Variants in FAM171A2 observed in about 807,000 individuals in gnomAD.
FAM171A2 encodes protein FAM171A2.
Under a neutral mutation model 34.2 loss-of-function variants are expected in FAM171A2, and 13 were observed. The ratio of observed to expected loss-of-function variants is 0.38; its 90% CI spans 0.25 to 0.60. The LOEUF is 0.60. FAM171A2 is among the 20% of genes least tolerant of loss of function. The pLI, the probability that FAM171A2 is intolerant of heterozygous loss-of-function variation, is 0.62. For missense variants in FAM171A2, 950 were observed against 1,180.7 expected, an observed-to-expected ratio of 0.80 and a Z score of 2.86; for synonymous variants, 475 against 561.2, an observed-to-expected ratio of 0.85 and a Z score of 2.17.
chr17:44,356,133 TCTCTC>T (rs1416641308), intron 5 of FAM171A2, 35 bp downstream of exon 5: 2 of 1,524,492 alleles, frequency 1.3e-6, no homozygotes, highest in Non-Finnish European at 1.8e-6. Flanking sequence ...CCCACTTTCT[TCTCTC>T]AACTCAAGCA....
In FAM171A2 at chr17:44,354,110, G is replaced by T. The variant is rs1382034625; in HGVS notation, c.2104C>A (p.Pro702Thr). The change falls in exon 8 of 8, where the codon CCC becomes ACC. Residue 702 changes from proline (P) to threonine (T), a missense_variant. Around this residue, in one of 3 missense-constraint regions of FAM171A2, gnomAD observed 191 missense variants for 222.8 expected, o/e 0.86. Coordinates refer to ENST00000293443, the MANE Select transcript of FAM171A2 (RefSeq NM_198475.3). This position sits in a 1 kb window ranked among gnomAD's most constrained non-coding sequence, Gnocchi z 5.8. ...GCGCGCTCCCGCTCCTCCCTCGCGG[G>T]CCGGCGGCGCGCGGGCCGCGCCTCG... ...VHEARPARRR[P>T]AREERERAPP... 79 of 1,131,978 alleles carry T rather than the reference G, an allele frequency of 7.0e-5. No homozygotes were observed. Among genetic ancestry groups the T allele is most frequent in the Non-Finnish European group, 8.6e-5 (79 of 923,222 alleles). 70.1% of individuals were successfully genotyped at this position (1,131,978 alleles called of 1,614,324 possible).
In FAM171A2 at chr17:44,354,851, G is replaced by T; in HGVS notation, c.1363C>A (p.Pro455Thr). 7.8e-7 allele frequency: 1 copy of T among 1,281,900 alleles called. No individual in the cohort carries two copies. The highest frequency in any genetic ancestry group is 9.8e-7 in the Non-Finnish European group (1 of 1,017,354). 79.4% of individuals were successfully genotyped at this position (1,281,900 alleles called of 1,614,324 possible). Residue 455 changes from proline (P) to threonine (T), a missense_variant, in exon 8 of 8, where the codon CCC (proline) becomes ACC (threonine). Around this residue, in one of 3 missense-constraint regions of FAM171A2, gnomAD observed 752 missense variants for 924.5 expected, o/e 0.81. Transcript: ENST00000293443. This position sits in a 1 kb window ranked among gnomAD's most constrained non-coding sequence, Gnocchi z 5.8. ...CCCCGCCGGTGCTCCTCTAGGCCGG[G>T]CTCCAGCCCGCCGGGGCCCTCGGCC... ...RSAEGPGGLEPGLEEHRRGPS... is the reference protein window; with the variant it reads ...RSAEGPGGLETGLEEHRRGPS...
At chr17:44,357,177 G>A (rs1006236411) in intron 3 of FAM171A2, among the ~76,000 whole-genome samples, 7 of 151,806 alleles carry the variant, frequency 4.6e-5, no homozygotes, top group Non-Finnish European at 1.0e-4. Flanking sequence ...GAGAAACCCT[G>A]ACTCTCTTAA....
rs916051574 is a variant in FAM171A2, at chr17:44,360,241, T to G, written c.119-109A>C. 4.3e-6 allele frequency: 4 copies of G among 921,600 alleles called. 1 individual carries two copies. In the South Asian group the frequency reaches 6.8e-5, roughly 16 times the overall value. The allele number at this position is 921,600 out of a possible 1,614,324, so 57.1% of individuals were successfully genotyped here. A position where few individuals can be genotyped will look rare whatever the true frequency, so the allele number is the denominator to read the frequency against. On this transcript the variant is annotated intron_variant, in intron 1 of 7. Coordinates refer to ENST00000293443, the MANE Select transcript of FAM171A2 (RefSeq NM_198475.3). The stretch of plus-strand genomic sequence containing the variant: ...CTGTGTTTGAGAGAGTCTTTTGGGC[T>G]GAGGCTAGAGAAGGCATGATTTAAG...
At chr17:44,356,613 G>A in intron 3 of FAM171A2, 25 bp from the exon 4 acceptor site, 1 of 1,522,048 alleles carries the variant, frequency 6.6e-7, no homozygotes, top group Non-Finnish European at 8.8e-7. Flanking sequence ...GGGCTGCAGT[G>A]GCTTGACCAT....
At chr17:44,363,195 C>T (rs866910111) in intron 1 of FAM171A2, among the ~76,000 whole-genome samples, 1 of 152,108 alleles carries the variant, frequency 6.6e-6, no homozygotes, top group African/African-American at 2.4e-5. Context: ...GGCGCCCCCA[C>T]CCCGCCAGGG....
In FAM171A2 at chr17:44,356,544, G is replaced by T. The variant is rs150823411; in HGVS notation, c.484C>A (p.Arg162Ser). The change falls in exon 4 of 8, where the codon CGC becomes AGC. Residue 162 changes from arginine (R) to serine (S), a missense_variant. Arg to Ser is a moderately radical substitution (Grantham distance 110, BLOSUM62 -1). This residue lies in a region of FAM171A2 where 752 missense variants were observed against 924.5 expected (regional missense o/e 0.81). Coordinates refer to ENST00000293443, the MANE Select transcript of FAM171A2 (RefSeq NM_198475.3). ...CTGTAGGTGGAGCTGACAGGCAGGC[G>T]GGCAGCCCGGCGCTGGAACTGCACC... ...PLVQFQRRAA[R>S]LPVSSTYSQL... is the part of the protein sequence containing the mutation. 5.8e-4 allele frequency: 898 copies of T among 1,549,090 alleles called. 5 individuals are homozygous for T. In the African/African-American group the frequency reaches 0.011, roughly 19 times the overall value.
rs140215238 is a variant in FAM171A2, at chr17:44,353,527, AC to A, written c.*205del. On this transcript the variant is annotated 3_prime_UTR_variant, in exon 8 of 8. Coordinates refer to ENST00000293443, the MANE Select transcript of FAM171A2 (RefSeq NM_198475.3). ...CCGGCACCTCCCCGTGGGGGTCTGG[AC>A]CCCCCCTCCTCCCCGGCTTGGAGGC... The A allele has an allele frequency of 3.1e-5, 8 of 256,064 alleles. No homozygotes were observed. Among genetic ancestry groups the A allele is most frequent in the South Asian group, 1.7e-4 (1 of 5,864 alleles). 15.9% of individuals were successfully genotyped at this position (256,064 alleles called of 1,614,324 possible).
chr17:44,354,186 GC>G lies in FAM171A2; in HGVS notation c.2027del (p.Gly676AlafsTer15). 1.5e-6 allele frequency: 2 copies of G among 1,366,230 alleles called. No homozygotes were observed. Among genetic ancestry groups the G allele is most frequent in the Non-Finnish European group, 9.5e-7 (1 of 1,048,714 alleles). 84.6% of individuals were successfully genotyped at this position (1,366,230 alleles called of 1,614,324 possible). On this transcript the variant is annotated frameshift_variant, in exon 8 of 8. Coordinates refer to ENST00000293443, the MANE Select transcript of FAM171A2 (RefSeq NM_198475.3). LOFTEE classifies it low-confidence loss of function (END_TRUNC). This position sits in a 1 kb window ranked among gnomAD's most constrained non-coding sequence, Gnocchi z 5.8. ...TGGCGTCGGTGCTGCGTGCCCCGCC[GC>G]CCGCCTGCAGGTCGATGTAAGAGTG... ...VRHSYIDLQA[G>X]GGARSTDASL...
In FAM171A2 at chr17:44,355,885, C is replaced by T. The variant is rs933102841; in HGVS notation, c.896-44G>A. ...TAGCGTTCAGGTGTAGACACCCTTCCTGCCTTTCAGAAGTCTGCTCTCCCA... is the reference window on the plus strand; with the variant it reads ...TAGCGTTCAGGTGTAGACACCCTTCTTGCCTTTCAGAAGTCTGCTCTCCCA... On this transcript the variant is annotated intron_variant, in intron 6 of 7. Coordinates refer to ENST00000293443, the MANE Select transcript of FAM171A2 (RefSeq NM_198475.3). The surrounding 1 kb of genome is among the most constrained non-coding windows in gnomAD (Gnocchi z 4.1). 19 of 1,549,760 alleles carry T rather than the reference C, an allele frequency of 1.2e-5. No individual in the cohort carries two copies. In the African/African-American group the frequency reaches 2.5e-4, roughly 20 times the overall value.
chr17:44,363,006 C>A (rs2048453971), intron 1 of FAM171A2, among the ~76,000 whole-genome samples: 1 of 152,198 alleles, frequency 6.6e-6, no homozygotes, highest in African/African-American at 2.4e-5. Flanking sequence ...TTATTTGGTG[C>A]ACCCCAAACT....
chr17:44,361,040 G>A (rs2048445880), intron 1 of FAM171A2, among the ~76,000 whole-genome samples: 1 of 152,216 alleles, frequency 6.6e-6, no homozygotes, highest in African/African-American at 2.4e-5. Flanking sequence ...ATCTAGGGGG[G>A]AGCAACCCAG....
At position 44,356,062 on chromosome 17, in the gene FAM171A2, C is replaced by T. The variant is rs750291572; in HGVS notation, c.791G>A (p.Arg264His). The T allele has an allele frequency of 5.8e-6, 9 of 1,542,552 alleles. No individual in the cohort carries two copies. Among genetic ancestry groups the T allele is most frequent in the Admixed American group, 2.0e-5 (1 of 50,368 alleles). Residue 264 changes from arginine (R) to histidine (H), a missense_variant, in exon 6 of 8, where the codon CGC becomes CAC. Around this residue, in one of 3 missense-constraint regions of FAM171A2, gnomAD observed 752 missense variants for 924.5 expected, o/e 0.81. Transcript: ENST00000293443. Reference protein sequence around the residue: ...RFDPKSGLWVRNGTGVIRKEG... With the variant: ...RFDPKSGLWVHNGTGVIRKEG... ...CTTCCGGATTACACCAGTGCCATTG[C>T]GCACCCACAGCCCTGGGAGAGGCAG...
intron 1 of FAM171A2, 56 bp downstream of exon 1, chr17:44,363,541 G>A (rs1354669673): frequency 8.5e-6 from 7 of 823,452 alleles, no homozygotes; most frequent in South Asian, 1.2e-4. Flanking sequence ...TGACGGGCGG[G>A]AGCCTGATCA....
chr17:44,359,600 G>T lies in FAM171A2; in HGVS notation c.418C>A (p.His140Asn). 1 of 1,551,298 alleles carries T rather than the reference G, an allele frequency of 6.4e-7. No individual in the cohort carries two copies. ...TTACCGGGAGAGCCTAGGAGAATGT[G>T]CACCAGGTCCTCATAGAGGATGAGC... is the stretch of plus-strand genomic sequence containing the variant. ...ATLILYEDLV[H>N]ILLGSPGARS... The change falls in exon 3 of 8, where the codon CAC becomes AAC. Residue 140 changes from histidine to asparagine, a missense_variant. By Grantham distance (68) the His-to-Asn change is moderately conservative. This residue lies in a region of FAM171A2 where 752 missense variants were observed against 924.5 expected (regional missense o/e 0.81). Coordinates refer to ENST00000293443, the MANE Select transcript of FAM171A2 (RefSeq NM_198475.3).
rs1384305336 is a variant in FAM171A2, at chr17:44,354,853, T to C, written c.1361A>G (p.Glu454Gly). 22 of 1,281,642 alleles carry C rather than the reference T, an allele frequency of 1.7e-5. No homozygotes were observed. The highest frequency in any genetic ancestry group is 2.2e-5 in the Non-Finnish European group (22 of 1,017,332). The allele number at this position is 1,281,642 out of a possible 1,614,324, so 79.4% of individuals were successfully genotyped here. A position where few individuals can be genotyped will look rare whatever the true frequency, so the allele number is the denominator to read the frequency against. Residue 454 changes from glutamate (E) to glycine (G), a missense_variant, in exon 8 of 8, where the codon GAG becomes GGG. By Grantham distance (98) the Glu-to-Gly change is moderately conservative (BLOSUM62 -2). This residue lies in a region of FAM171A2 where 752 missense variants were observed against 924.5 expected (regional missense o/e 0.81). Coordinates refer to ENST00000293443, the MANE Select transcript of FAM171A2 (RefSeq NM_198475.3). This position sits in a 1 kb window ranked among gnomAD's most constrained non-coding sequence, Gnocchi z 5.8. ...CCGCCGGTGCTCCTCTAGGCCGGGC[T>C]CCAGCCCGCCGGGGCCCTCGGCCGA... ...ARSAEGPGGL[E>G]PGLEEHRRGP...
In FAM171A2 at chr17:44,354,771, G is replaced by C. The variant is rs2048412836; in HGVS notation, c.1443C>G (p.Phe481Leu). The part of the protein sequence containing the change: ...LHEPPSPPPP[F>L]DHYLGHKGAA... ...CCCCCTTGTGGCCCAGGTAGTGGTCGAAGGGCGGCGGCGGCGAGGGCGGCT... is the reference window on the plus strand; with the variant it reads ...CCCCCTTGTGGCCCAGGTAGTGGTCCAAGGGCGGCGGCGGCGAGGGCGGCT... Residue 481 changes from phenylalanine to leucine, a missense_variant, in exon 8 of 8, where the codon TTC (phenylalanine) becomes TTG (leucine). Phe to Leu is a conservative substitution (Grantham distance 22). Around this residue, in one of 3 missense-constraint regions of FAM171A2, gnomAD observed 752 missense variants for 924.5 expected, o/e 0.81. Coordinates refer to ENST00000293443, the MANE Select transcript of FAM171A2 (RefSeq NM_198475.3). This position sits in a 1 kb window ranked among gnomAD's most constrained non-coding sequence, Gnocchi z 5.8. The C allele has an allele frequency of 1.5e-6, 2 of 1,303,166 alleles. No individual in the cohort carries two copies. Among genetic ancestry groups the C allele is most frequent in the South Asian group, 4.2e-5 (2 of 48,094 alleles). 80.7% of individuals were successfully genotyped at this position (1,303,166 alleles called of 1,614,324 possible). A position where few individuals can be genotyped will look rare whatever the true frequency, so the allele number is the denominator to read the frequency against.
At chr17:44,359,266 A>G in intron 3 of FAM171A2, 1 of 317,786 alleles carries the variant, frequency 3.1e-6, no homozygotes. Context: ...TGCACAACAA[A>G]TCTGTGTAGA....
Position 44,354,192 on chromosome 17 carries a change from CT to C in FAM171A2, c.2021del (p.Gln674ArgfsTer17). ...CGGTGCTGCGTGCCCCGCCGCCCGC[CT>C]GCAGGTCGATGTAAGAGTGGCGCAC... ...SQVRHSYIDL[Q>X]AGGGARSTDA... On this transcript the variant is annotated frameshift_variant, in exon 8 of 8. Coordinates refer to ENST00000293443, the MANE Select transcript of FAM171A2 (RefSeq NM_198475.3). LOFTEE classifies it low-confidence loss of function (END_TRUNC). The surrounding 1 kb of genome is among the most constrained non-coding windows in gnomAD (Gnocchi z 5.8). 1 of 1,385,146 alleles carries C rather than the reference CT, an allele frequency of 7.2e-7. No individual in the cohort carries two copies. The highest frequency in any genetic ancestry group is 9.5e-7 in the Non-Finnish European group (1 of 1,058,180). 85.8% of individuals were successfully genotyped at this position (1,385,146 alleles called of 1,614,324 possible).
Sources: gnomAD v4.1 joint callset for allele counts (sites outside exome capture counted in the v4.1 genomes callset) on GRCh38, gnomAD v4.1.1 for gene constraint, gnomAD v4.1.1 regional missense constraint, Gnocchi (gnomAD v3.1) non-coding constraint, MANE v1.5 for transcripts, NCBI Gene and HGNC (gene_info 2026-07-23, HGNC 2026-07-21) for gene names.